Variants in VSIR observed in about 807,000 individuals in gnomAD.
The protein encoded by VSIR is V-set immunoregulatory receptor.
In VSIR, 10 loss-of-function variants were observed where a neutral mutation model predicts 31.0. The ratio of observed to expected loss-of-function variants is 0.32; its 90% CI spans 0.20 to 0.55. The LOEUF (loss-of-function observed/expected upper bound fraction) is 0.55. Ranked by LOEUF, VSIR falls within the 20% of genes least tolerant of loss-of-function variation. VSIR has a pLI of 0.93. For missense variants in VSIR, 356 were observed against 416.2 expected (o/e 0.86, Z 1.26); for synonymous variants, 179 against 180.1 (o/e 0.99, Z 0.05).
At position 71,751,721 on chromosome 10, in the gene VSIR, G is replaced by A. The variant is rs763610736; in HGVS notation, c.845C>T (p.Pro282Leu). 1 of 1,580,446 alleles carries A rather than the reference G, an allele frequency of 6.3e-7. No homozygotes were observed. Among genetic ancestry groups the A allele is most frequent in the South Asian group, 1.2e-5 (1 of 86,452 alleles). The change falls in exon 6 of 7, where the codon CCC becomes CTC. Residue 282 changes from proline (P) to leucine (L), a missense_variant. Coordinates refer to ENST00000394957, the MANE Select transcript of VSIR (RefSeq NM_022153.2). The surrounding 1 kb of genome is among the most constrained non-coding windows in gnomAD (Gnocchi z 4.9). ...SESGRHLLSE[P>L]STPLSPPGPG... ...GCCTGGAGGAGACAGGGGGGTGCTG[G>A]GCTCCGAAAGCAGATGCCGCCCAGA... is the stretch of plus-strand genomic sequence containing the variant.
Position 71,761,852 on chromosome 10 carries a change from C to T in VSIR, c.257G>A (p.Arg86His), listed in dbSNP as rs746223877. Reference protein sequence around the residue: ...SRGEVQTCSERRPIRNLTFQD... With the variant: ...SRGEVQTCSEHRPIRNLTFQD... ...GAACGTGAGGTTGCGGATGGGCCGG[C>T]GCTCTGAGCAGGTCTGCACCTCGCC... The change falls in exon 2 of 7, where the codon CGC (arginine) becomes CAC (histidine). Residue 86 changes from arginine (R) to histidine (H), a missense_variant. Arg to His is a conservative substitution (Grantham distance 29). Coordinates refer to ENST00000394957, the MANE Select transcript of VSIR (RefSeq NM_022153.2). 1.2e-5 allele frequency: 20 copies of T among 1,614,112 alleles called. No homozygotes were observed. The highest frequency in any genetic ancestry group is 1.7e-5 in the Admixed American group (1 of 60,026).
chr10:71,755,088 T>A (rs913953385), intron 4 of VSIR: 1 of 605,198 alleles, frequency 1.7e-6, no homozygotes, highest in Non-Finnish European at 3.1e-6. Context: ...CTACTGCATA[T>A]GATCATTCAT....
intron 1 of VSIR, among the ~76,000 whole-genome samples, chr10:71,771,570 A>T (rs573631876): frequency 6.6e-6 from 1 of 152,316 alleles, no homozygotes; most frequent in Non-Finnish European, 1.5e-5. Context: ...AATATCTATT[A>T]TAGTGTGTCC....
intron 1 of VSIR, among the ~76,000 whole-genome samples, chr10:71,766,100 GT>G (rs1840537744): frequency 6.6e-6 from 1 of 152,238 alleles, no homozygotes; most frequent in African/African-American, 2.4e-5. Flanking sequence ...GCACATGCCT[GT>G]GTGTTGTCAG....
chr10:71,763,926 G>T (rs916069861), intron 1 of VSIR, among the ~76,000 whole-genome samples: 3 of 152,202 alleles, frequency 2.0e-5, no homozygotes, highest in Non-Finnish European at 2.9e-5. Context: ...GTTTAAAGGA[G>T]AGTCTCCAAA....
In VSIR at chr10:71,755,477, A is replaced by G; in HGVS notation, c.569-11T>C. ...CTGCAGCCGTGATGTCTGAAAGGGC[A>G]GAGAGGTAGCCAAGGTGAAGCCCCA... On this transcript the variant is annotated splice_polypyrimidine_tract_variant and intron_variant, in intron 3 of 6. Transcript: ENST00000394957. 6.2e-7 allele frequency: 1 copy of G among 1,605,396 alleles called. No homozygotes were observed. Among genetic ancestry groups the G allele is most frequent in the Non-Finnish European group, 8.5e-7 (1 of 1,175,826 alleles).
rs1840387116 is a variant in VSIR, at chr10:71,761,622, C to T, written c.487G>A (p.Ala163Thr). 2.5e-6 allele frequency: 4 copies of T among 1,600,934 alleles called. No homozygotes were observed. The highest frequency in any genetic ancestry group is 3.4e-6 in the Non-Finnish European group (4 of 1,172,736). ...HHHSEHRVHG[A>T]MELQVQTGKD... ...CCTGTCTGCACCTGCAGCTCCATGG[C>T]ACCATGGACCCTGTGCTCCGAGTGG... The change falls in exon 2 of 7, where the codon GCC becomes ACC. Residue 163 changes from alanine (A) to threonine (T), a missense_variant. Physicochemically the swap from Ala to Thr is moderately conservative, Grantham distance 58. This residue lies in a region of VSIR where 166 missense variants were observed against 231.0 expected (regional missense o/e 0.72). Transcript: ENST00000394957.
rs3747863 is a variant in VSIR, at chr10:71,768,075, G to A, written c.82+5283C>T. The stretch of plus-strand genomic sequence containing the variant: ...CCTCACGCTTCTATGCTGTGAAGAC[G>A]TCCTCAGGGTCCAGCTCAAGTCTTT... On this transcript the variant is annotated intron_variant, in intron 1 of 6. Coordinates refer to ENST00000394957, the MANE Select transcript of VSIR (RefSeq NM_022153.2). 4.9e-4 allele frequency among the ~76,000 whole-genome samples: 74 copies of A among 152,344 alleles called. 1 individual carries two copies. In the East Asian group the frequency reaches 0.014, roughly 28 times the overall value.
At chr10:71,752,826 C>T (rs1564775510) in intron 5 of VSIR, 149 bp downstream of exon 5, 2 of 969,140 alleles carry the variant, frequency 2.1e-6, no homozygotes, top group Admixed American at 2.9e-5. Flanking sequence ...AGCCAATCTG[C>T]ACAGATGTGC....
intron 2 of VSIR, 86 bp from the exon 3 acceptor site, chr10:71,761,010 C>T: frequency 7.3e-7 from 1 of 1,378,190 alleles, no homozygotes; most frequent in Non-Finnish European, 1.0e-6. Context: ...CCCCCTCCTG[C>T]CCCAGGTTCT....
At chr10:71,772,841 C>G (rs1369106661) in intron 1 of VSIR, among the ~76,000 whole-genome samples, 1 of 152,316 alleles carries the variant, frequency 6.6e-6, no homozygotes, top group Non-Finnish European at 1.5e-5. Flanking sequence ...AAAGTGGACC[C>G]ACCGTGACCA....
At chr10:71,771,990 G>A (rs926890044) in intron 1 of VSIR, among the ~76,000 whole-genome samples, 3 of 152,348 alleles carry the variant, frequency 2.0e-5, no homozygotes, top group East Asian at 3.9e-4. Context: ...TGACAGGTGG[G>A]ATGCTGGCTT....
intron 1 of VSIR, among the ~76,000 whole-genome samples, chr10:71,769,759 C>T (rs1277255109): frequency 6.6e-6 from 1 of 152,202 alleles, no homozygotes; most frequent in Non-Finnish European, 1.5e-5. Flanking sequence ...AAGGAATGGG[C>T]TTGCTTGGCT....
chr10:71,772,383 A>G (rs1305647679), intron 1 of VSIR, among the ~76,000 whole-genome samples: 1 of 152,104 alleles, frequency 6.6e-6, no homozygotes, highest in Non-Finnish European at 1.5e-5. Flanking sequence ...TGCATGACTC[A>G]TACTTTCCCT....
At chr10:71,767,886 C>G (rs1358446966) in intron 1 of VSIR, among the ~76,000 whole-genome samples, 1 of 152,174 alleles carries the variant, frequency 6.6e-6, no homozygotes, top group Non-Finnish European at 1.5e-5. Flanking sequence ...TCCGTGCATC[C>G]GGGGCTGGAG....
chr10:71,773,241 G>A, intron 1 of VSIR, 117 bp downstream of exon 1: 1 of 1,189,022 alleles, frequency 8.4e-7, no homozygotes, highest in Non-Finnish European at 1.2e-6. Flanking sequence ...GGGTGGAGTG[G>A]GGTGCACGGT....
At position 71,747,719 on chromosome 10, in the gene VSIR, C is replaced by T. The variant is rs1243160918; in HGVS notation, c.*3534G>A. ...CATGTGAAAGTGTGTTGGAAAGCAC[C>T]AAGTATTCTAACAGAAAAGGCCAAG... On this transcript the variant is annotated 3_prime_UTR_variant, in exon 7 of 7. Coordinates refer to ENST00000394957, the MANE Select transcript of VSIR (RefSeq NM_022153.2). 6.6e-6 allele frequency: 1 copy of T among 152,212 alleles called. No homozygotes were observed. The highest frequency in any genetic ancestry group is 1.5e-5 in the Non-Finnish European group (1 of 68,046). The allele number at this position is 152,212 out of a possible 1,614,324, so 9.4% of individuals were successfully genotyped here.
chr10:71,766,362 C>T lies in VSIR; in HGVS notation c.83-4336G>A, dbSNP rs545100798. Among the ~76,000 whole-genome samples the T allele has an allele frequency of 5.0e-4, 76 of 152,266 alleles. 1 individual carries two copies. Among genetic ancestry groups the T allele is most frequent in the African/African-American group, 1.7e-3 (72 of 41,548 alleles). On this transcript the variant is annotated intron_variant, in intron 1 of 6. Coordinates refer to ENST00000394957, the MANE Select transcript of VSIR (RefSeq NM_022153.2). Reference sequence around the variant, plus strand: ...GCTGTCAAGACCCAGGCCCCCCGCCCGCCACCCGCCACCTGCCACCAGGTA... The same window carrying T: ...GCTGTCAAGACCCAGGCCCCCCGCCTGCCACCCGCCACCTGCCACCAGGTA...
Position 71,751,481 on chromosome 10 carries a change from C to T in VSIR, c.898+187G>A, listed in dbSNP as rs1349345491. On this transcript the variant is annotated intron_variant, in intron 6 of 6. Transcript: ENST00000394957. This position sits in a 1 kb window ranked among gnomAD's most constrained non-coding sequence, Gnocchi z 4.9. ...GGGCCCCTCTGTCCCTCACCCTCAA[C>T]CCCACCCCGTGAGGCCGTGGAACTC... Among the ~76,000 whole-genome samples the T allele has an allele frequency of 1.1e-5, 1 of 93,448 alleles. No individual in the cohort carries two copies. Among genetic ancestry groups the T allele is most frequent in the African/African-American group, 4.6e-5 (1 of 21,736 alleles). The allele number at this position is 93,448 out of a possible 152,430, so 61.3% of individuals were successfully genotyped here.
Sources: allele counts gnomAD v4.1 joint callset (sites outside exome capture counted in the v4.1 genomes callset), GRCh38; gene constraint gnomAD v4.1.1; regional missense constraint gnomAD v4.1.1; non-coding constraint Gnocchi (gnomAD v3.1); transcripts MANE v1.5; gene names NCBI Gene and HGNC (gene_info 2026-07-23, HGNC 2026-07-21).